AFAP1: variants seen among roughly 807,000 people sequenced by gnomAD.
The protein encoded by AFAP1 is actin filament associated protein 1.
A neutral mutation model predicts 93.9 loss-of-function variants in AFAP1; 75 were observed. The ratio of observed to expected loss-of-function variants is 0.80; its 90% CI spans 0.66 to 0.97. The LOEUF is 0.97. Ranked by LOEUF, AFAP1 falls within the 50% of genes least tolerant of loss-of-function variation. The pLI, the probability that AFAP1 is intolerant of heterozygous loss-of-function variation, is 0.00. For synonymous variants in AFAP1, 517 were observed against 430.7 expected (o/e 1.20, Z -2.48); for missense variants, 1,201 against 1,050.8 (o/e 1.14, Z -1.98).
chr4:7,863,687 A>T (rs190442840), intron 3 of AFAP1, among the ~76,000 whole-genome samples: 101 of 152,324 alleles, frequency 6.6e-4, no homozygotes, highest in Non-Finnish European at 1.3e-3. Context: ...CATGTCACAC[A>T]GGGCATCTCA....
chr4:7,789,385 A>ACGC (rs1441947308), intron 11 of AFAP1, among the ~76,000 whole-genome samples: 1 of 144,608 alleles, frequency 6.9e-6, no homozygotes, highest in Non-Finnish European at 1.5e-5. Context: ...GAATCTCTCC[A>ACGC]TGCTCCGCAC....
At chr4:7,916,328 T>C (rs1720083241) in intron 1 of AFAP1, among the ~76,000 whole-genome samples, 1 of 152,210 alleles carries the variant, frequency 6.6e-6, no homozygotes, top group South Asian at 2.1e-4. Context: ...AGTGCCATTC[T>C]GTTACAGAAA....
chr4:7,888,978 G>A (rs1214952586), intron 1 of AFAP1, among the ~76,000 whole-genome samples: 1 of 151,966 alleles, frequency 6.6e-6, no homozygotes, highest in Non-Finnish European at 1.5e-5. Context: ...TTTTAGTAAA[G>A]ACGGGGTTTC....
chr4:7,780,158 G>T (rs1230140920), intron 13 of AFAP1, among the ~76,000 whole-genome samples: 1 of 152,178 alleles, frequency 6.6e-6, no homozygotes, highest in African/African-American at 2.4e-5. Flanking sequence ...ACAACTTTTT[G>T]GCATAAGTCC....
At chr4:7,872,366 G>A (rs898755885) in intron 1 of AFAP1, 12 of 293,214 alleles carry the variant, frequency 4.1e-5, no homozygotes, top group African/African-American at 1.7e-4. Context: ...AAGGCCTGAC[G>A]TCATCATTTG....
chr4:7,852,977 G>A (rs1040278586), intron 4 of AFAP1, among the ~76,000 whole-genome samples: 5 of 152,104 alleles, frequency 3.3e-5, no homozygotes, highest in African/African-American at 7.2e-5. Flanking sequence ...GGAATTTCCC[G>A]TCACCCGGGC....
intron 13 of AFAP1, chr4:7,779,207 G>A (rs537766367): frequency 8.1e-6 from 2 of 246,642 alleles, no homozygotes; most frequent in African/African-American, 4.6e-5. Flanking sequence ...CAGATGAGAG[G>A]AGTAGTTTGT....
chr4:7,779,796 A>G (rs899042154), intron 13 of AFAP1, among the ~76,000 whole-genome samples: 1 of 152,230 alleles, frequency 6.6e-6, no homozygotes, highest in Non-Finnish European at 1.5e-5. Context: ...CGTGCCATAC[A>G]TGGATAGAGC....
Position 7,838,664 on chromosome 4 carries a change from G to T in AFAP1, c.586C>A (p.Leu196Met). 1 of 1,614,118 alleles carries T rather than the reference G, an allele frequency of 6.2e-7. No individual in the cohort carries two copies. Among genetic ancestry groups the T allele is most frequent in the Non-Finnish European group, 8.5e-7 (1 of 1,180,020 alleles). Residue 196 changes from leucine (L) to methionine (M), a missense_variant, in exon 6 of 18, where the codon CTG (leucine) becomes ATG (methionine). By Grantham distance (15) the Leu-to-Met change is conservative (BLOSUM62 2). Transcript: ENST00000420658. ...SSKDQQPQME[L>M]PLQGCNITYI... ...GTAATGTTACAGCCTTGGAGTGGCAGTTCCATCTGAGGCTGCTGGTCCTTG... is the reference window on the plus strand; with the variant it reads ...GTAATGTTACAGCCTTGGAGTGGCATTTCCATCTGAGGCTGCTGGTCCTTG...
intron 1 of AFAP1, among the ~76,000 whole-genome samples, chr4:7,877,596 A>G (rs1424890408): frequency 6.6e-6 from 1 of 152,210 alleles, no homozygotes; most frequent in Non-Finnish European, 1.5e-5. Context: ...AAGCCTCTCC[A>G]GTTGATAATC....
chr4:7,843,854 G>A (rs1420935012), intron 4 of AFAP1: 1 of 163,878 alleles, frequency 6.1e-6, no homozygotes, highest in Non-Finnish European at 1.3e-5. Context: ...CTCCCTTCTG[G>A]GGCATCCTTG....
intron 14 of AFAP1, chr4:7,776,374 C>CTGTGTGTGTGTA (rs543577126): frequency 2.0e-5 from 3 of 151,004 alleles, no homozygotes; most frequent in Non-Finnish European, 2.9e-5. Context: ...AGAAGGAATC[C>CTGTGTGTGTGTA]TGTGTGTGTG....
intron 1 of AFAP1, among the ~76,000 whole-genome samples, chr4:7,882,253 C>T (rs978185305): frequency 6.6e-6 from 1 of 151,980 alleles, no homozygotes; most frequent in African/African-American, 2.4e-5. Context: ...AAATAATTTA[C>T]CAGAATTACC....
intron 1 of AFAP1, among the ~76,000 whole-genome samples, chr4:7,887,835 T>G (rs1003029723): frequency 6.6e-6 from 1 of 152,098 alleles, no homozygotes; most frequent in Non-Finnish European, 1.5e-5. Flanking sequence ...AGAACAATTT[T>G]TTTTTTTTTG....
chr4:7,774,228 C>G (rs1273709434), intron 15 of AFAP1: 1 of 153,516 alleles, frequency 6.5e-6, no homozygotes, highest in African/African-American at 2.4e-5. Flanking sequence ...ATTCCATTAG[C>G]CTGGCCTCTT....
chr4:7,858,968 A>T (rs901238270), intron 3 of AFAP1, among the ~76,000 whole-genome samples: 1 of 152,194 alleles, frequency 6.6e-6, no homozygotes, highest in Non-Finnish European at 1.5e-5. Flanking sequence ...CAAGTCCCTC[A>T]AATGTACCAC....
At chr4:7,851,020 T>TGG (rs5855991) in intron 4 of AFAP1, among the ~76,000 whole-genome samples, 119,577 of 151,852 alleles carry the variant, frequency 0.79, 47,418 homozygotes, top group East Asian at 0.93. Context: ...CCCATTGTAA[T>TGG]TTCTGCTGTT....
chr4:7,837,714 A>G (rs900391304), intron 6 of AFAP1, among the ~76,000 whole-genome samples: 7 of 152,140 alleles, frequency 4.6e-5, no homozygotes, highest in African/African-American at 1.7e-4. Context: ...AAACCAGACT[A>G]AAGAAGAAAA....
rs565019056 is a variant in AFAP1, at chr4:7,811,674, A to G, written c.905-1911T>C. On this transcript the variant is annotated intron_variant, in intron 8 of 17. Coordinates refer to ENST00000420658, the MANE Select transcript of AFAP1 (RefSeq NM_001134647.2). ...CTAAGAAGAGACGGCACAGGCACAG[A>G]AGAAAGGCCGTGTGAAGGCGCGGGA... Among the ~76,000 whole-genome samples, 4 of 152,260 alleles carry G rather than the reference A, an allele frequency of 2.6e-5. No individual in the cohort carries two copies. The South Asian group carries it at 8.3e-4, about 32-fold the overall frequency.
Sources: gnomAD v4.1 joint callset for allele counts (sites outside exome capture counted in the v4.1 genomes callset) on GRCh38, gnomAD v4.1.1 for gene constraint, MANE v1.5 for transcripts, NCBI Gene and HGNC (gene_info 2026-07-23, HGNC 2026-07-21) for gene names.